Variants in ANHX observed in about 807,000 individuals in gnomAD.
ANHX encodes anomalous homeobox protein.
A neutral mutation model predicts 38.9 loss-of-function variants in ANHX; 20 were observed. The ratio of observed to expected loss-of-function variants is 0.51; its 90% confidence interval spans 0.36 to 0.75. The LOEUF is 0.75. Ranked by LOEUF, ANHX falls within the 30% of genes least tolerant of loss-of-function variation. The pLI, the probability that ANHX is intolerant of heterozygous loss-of-function variation, is 0.00. For synonymous variants in ANHX, 185 were observed against 203.1 expected (o/e 0.91, Z 0.76); for missense variants, 475 against 493.1 (o/e 0.96, Z 0.35).
intron 4 of ANHX, among the ~76,000 whole-genome samples, chr12:133,227,394 G>A (rs952144860): frequency 1.2e-4 from 18 of 152,216 alleles, no homozygotes; most frequent in Non-Finnish European, 1.9e-4. Flanking sequence ...ACATGTGCAC[G>A]TCCCCCTGAG....
chr12:133,219,053 T>G, intron 9 of ANHX, 82 bp from the exon 10 acceptor site: 1 of 1,325,222 alleles, frequency 7.5e-7, no homozygotes, highest in Non-Finnish European at 1.0e-6. Context: ...CCTCCTGACC[T>G]TGGGAAGACC....
At chr12:133,228,951 A>C (rs192200975) in intron 3 of ANHX, among the ~76,000 whole-genome samples, 2 of 152,120 alleles carry the variant, frequency 1.3e-5, no homozygotes, top group Admixed American at 6.5e-5. Flanking sequence ...CACTAAAAGC[A>C]CTTGCCCAGC....
chr12:133,223,906 A>C (rs1055740885), intron 7 of ANHX, among the ~76,000 whole-genome samples: 1 of 152,162 alleles, frequency 6.6e-6, no homozygotes, highest in East Asian at 1.9e-4. Flanking sequence ...TGAGGGGGGG[A>C]AAAGCATTTC....
intron 7 of ANHX, among the ~76,000 whole-genome samples, chr12:133,224,807 G>A (rs1282041751): frequency 2.3e-4 from 34 of 145,056 alleles, no homozygotes; most frequent in African/African-American, 8.9e-4. Context: ...CTACTAAAAA[G>A]TACAAAAAAA....
In ANHX at chr12:133,218,825, G is replaced by T; in HGVS notation, c.*60C>A. The stretch of plus-strand genomic sequence containing the variant: ...ATAAAGCTCTGTAACTCCTTGTGTT[G>T]ACCAGGCAGACCATCCACACCCGCT... On this transcript the variant is annotated 3_prime_UTR_variant, in exon 10 of 10. Transcript: ENST00000545940. 1 of 1,293,930 alleles carries T rather than the reference G, an allele frequency of 7.7e-7. No homozygotes were observed. Among genetic ancestry groups the T allele is most frequent in the South Asian group, 1.5e-5 (1 of 65,166 alleles). 80.2% of individuals were successfully genotyped at this position (1,293,930 alleles called of 1,614,324 possible).
At chr12:133,235,553 C>T (rs1957360972) in intron 1 of ANHX, 1 of 151,126 alleles carries the variant, frequency 6.6e-6, no homozygotes, top group Non-Finnish European at 1.5e-5. Context: ...GCCTGGGAGG[C>T]TCCACCCTCA....
In ANHX at chr12:133,226,398, G is replaced by T. The variant is rs183090714; in HGVS notation, c.759C>A (p.Thr253=). Residue 253 remains threonine (T), a synonymous_variant, in exon 6 of 10, where the codon ACC becomes ACA. Coordinates refer to ENST00000545940, the MANE Select transcript of ANHX (RefSeq NM_001372060.1). ...CCAGTGGCTCCCATGGTCCTTGGGT[G>T]GTCTGTGGGGACTGTGGAGGCCCCT... ...EEKGPPQSPQ[T]TQGPWEPLAL... is the part of the protein sequence containing the mutation. The T allele has an allele frequency of 1.6e-4, 249 of 1,536,198 alleles. No individual in the cohort carries two copies. In the African/African-American group the frequency reaches 3.1e-3, roughly 19 times the overall value.
At chr12:133,235,738 C>T (rs1232228932) in intron 1 of ANHX, 69 bp downstream of exon 1, 4 of 117,174 alleles carry the variant, frequency 3.4e-5, no homozygotes, top group Non-Finnish European at 5.6e-5. Context: ...GCGCCCCTCA[C>T]ATTCCAGGCC....
chr12:133,231,065 C>A (rs1352737696), intron 3 of ANHX, among the ~76,000 whole-genome samples: 1 of 152,220 alleles, frequency 6.6e-6, no homozygotes, highest in Non-Finnish European at 1.5e-5. Context: ...GGCCTTGCAA[C>A]CCCTCAGTGG....
chr12:133,234,702 G>T, intron 1 of ANHX: 1 of 274,724 alleles, frequency 3.6e-6, no homozygotes, highest in Non-Finnish European at 7.0e-6. Context: ...GTCACCAGTG[G>T]ATGCCAAGGC....
intron 6 of ANHX, 103 bp downstream of exon 6, chr12:133,226,215 G>T: frequency 6.6e-7 from 1 of 1,511,904 alleles, no homozygotes; most frequent in Non-Finnish European, 8.9e-7. Context: ...CCCAGTGTGG[G>T]GGTCCTGTCA....
In ANHX at chr12:133,218,635, G is replaced by T; in HGVS notation, c.*250C>A. 1 of 343,010 alleles carries T rather than the reference G, an allele frequency of 2.9e-6. No homozygotes were observed. Among genetic ancestry groups the T allele is most frequent in the Non-Finnish European group, 5.3e-6 (1 of 189,392 alleles). 21.2% of individuals were successfully genotyped at this position (343,010 alleles called of 1,614,324 possible). On this transcript the variant is annotated 3_prime_UTR_variant, in exon 10 of 10. Transcript: ENST00000545940. ...CCGACTGATCCAGTGCTGCGTGAGT[G>T]GGACAGACCCACCTTTGACTTCTGA...
rs545598761 is a variant in ANHX, at chr12:133,227,292, G to A, written c.502-140C>T. 760 of 933,364 alleles carry A rather than the reference G, an allele frequency of 8.1e-4. 2 individuals carry two copies. The African/African-American group carries it at 9.3e-3, about 11-fold the overall frequency. 57.8% of individuals were successfully genotyped at this position (933,364 alleles called of 1,614,324 possible). A position where few individuals can be genotyped will look rare whatever the true frequency, so the allele number is the denominator to read the frequency against. Reference sequence around the variant, plus strand: ...AACCTCTCCAAGGACAGCAGAGAGCGGTGAGCATGAGCAGAACATGCAGGC... The same window carrying A: ...AACCTCTCCAAGGACAGCAGAGAGCAGTGAGCATGAGCAGAACATGCAGGC... On this transcript the variant is annotated intron_variant, in intron 4 of 9. Coordinates refer to ENST00000545940, the MANE Select transcript of ANHX (RefSeq NM_001372060.1).
intron 2 of ANHX, 32 bp downstream of exon 2, chr12:133,234,076 C>T: frequency 6.5e-7 from 1 of 1,531,734 alleles, no homozygotes; most frequent in Non-Finnish European, 8.7e-7. Context: ...TGCTACCTCT[C>T]TCTGTACCCT....
Position 133,226,997 on chromosome 12 carries a change from G to A in ANHX, c.657C>T (p.Leu219=). Residue 219 remains leucine (L), a synonymous_variant, in exon 5 of 10, where the codon CTC becomes CTT. Transcript: ENST00000545940. Reference sequence around the variant, plus strand: ...CACGGGGGTTGCCTGAGGGCTGCAGGAGGTCAGGACCCCTCTCCCTCGCAC... The same window carrying A: ...CACGGGGGTTGCCTGAGGGCTGCAGAAGGTCAGGACCCCTCTCCCTCGCAC... ...DPGARERGPD[L]LQPSGNPRVD... 1.3e-6 allele frequency: 2 copies of A among 1,535,090 alleles called. No homozygotes were observed. The highest frequency in any genetic ancestry group is 1.7e-6 in the Non-Finnish European group (2 of 1,146,214).
At position 133,220,565 on chromosome 12, in the gene ANHX, G is replaced by T. The variant is rs549752629; in HGVS notation, c.1280+640C>A. 2.0e-5 allele frequency among the ~76,000 whole-genome samples: 3 copies of T among 152,290 alleles called. No homozygotes were observed. In the South Asian group the frequency reaches 6.2e-4, roughly 32 times the overall value. On this transcript the variant is annotated intron_variant, in intron 8 of 9. Transcript: ENST00000545940. ...GCATGAGCCTTGAGTCAACCTGGTTGCAGCTCCCTGATGAGGGAGACCCCA... is the reference window on the plus strand; with the variant it reads ...GCATGAGCCTTGAGTCAACCTGGTTTCAGCTCCCTGATGAGGGAGACCCCA...
At chr12:133,227,759 C>T in intron 4 of ANHX, 65 bp downstream of exon 4, 11 of 1,518,432 alleles carry the variant, frequency 7.2e-6, no homozygotes, top group Non-Finnish European at 9.7e-6. Flanking sequence ...GGTGGGGGTA[C>T]CCCTTGGGGG....
chr12:133,222,398 T>A (rs550522648), intron 7 of ANHX, among the ~76,000 whole-genome samples: 1 of 151,932 alleles, frequency 6.6e-6, no homozygotes, highest in East Asian at 1.9e-4. Flanking sequence ...AGGGAGAGCA[T>A]CCGGGTACCC....
intron 8 of ANHX, among the ~76,000 whole-genome samples, chr12:133,220,283 A>G (rs138907748): frequency 0.057 from 8,676 of 152,224 alleles, 834 homozygotes; most frequent in African/African-American, 0.2. Flanking sequence ...TCAGATCGGA[A>G]CAGGGAGGCA....
Sources: allele counts gnomAD v4.1 joint callset (sites outside exome capture counted in the v4.1 genomes callset), GRCh38; gene constraint gnomAD v4.1.1; transcripts MANE v1.5; gene names NCBI Gene and HGNC (gene_info 2026-07-23, HGNC 2026-07-21).